DRC8: variants seen among roughly 807,000 people sequenced by gnomAD.
DRC8 encodes dynein regulatory complex subunit 8.
the DRC8 span, among the ~76,000 whole-genome samples, chr1:244,986,083 G>A: frequency 2.0e-5 from 3 of 151,478 alleles, no homozygotes; most frequent in Non-Finnish European, 4.4e-5. Flanking sequence ...AGCCTCCCGA[G>A]TAGCTGGGAT....
At chr1:245,086,844 A>G in the DRC8 span, 4 of 532,980 alleles carry the variant, frequency 7.5e-6, no homozygotes, top group Non-Finnish European at 1.5e-5. Context: ...TGTGGATCCA[A>G]ACTTGTGCTT....
chr1:245,063,156 C>CTTGGTTTGCCACTTCACTCAGGGT, the DRC8 span, among the ~76,000 whole-genome samples: 1 of 152,132 alleles, frequency 6.6e-6, no homozygotes, highest in Non-Finnish European at 1.5e-5. Context: ...CTTCCGTCAG[C>CTTGGTTTGCCACTTCACTCAGGGT]TTGGTTTGCC....
At chr1:245,049,236 C>T in the DRC8 span, among the ~76,000 whole-genome samples, 818 of 152,296 alleles carry the variant, frequency 5.4e-3, 4 homozygotes, top group African/African-American at 0.018. The surrounding 1 kb of genome is among the most constrained non-coding windows in gnomAD (Gnocchi z 4.5). Context: ...CCACCCACCT[C>T]GGCCTCCCAG....
chr1:245,006,414 T>A, the DRC8 span, among the ~76,000 whole-genome samples: 1 of 152,084 alleles, frequency 6.6e-6, no homozygotes, highest in Non-Finnish European at 1.5e-5. Flanking sequence ...CATGTTCAAG[T>A]GATCCTCCTG....
chr1:244,973,201 C>CTAATA, the DRC8 span, among the ~76,000 whole-genome samples: 1 of 145,108 alleles, frequency 6.9e-6, no homozygotes, highest in South Asian at 2.3e-4. Flanking sequence ...TGCCAATATA[C>CTAATA]TAATATAATA....
At chr1:245,100,945 C>T in the DRC8 span, among the ~76,000 whole-genome samples, 8 of 152,000 alleles carry the variant, frequency 5.3e-5, no homozygotes, top group East Asian at 1.9e-4. Context: ...AGTGCAATGG[C>T]GCAATCTTGG....
chr1:245,082,507 C>T, the DRC8 span, among the ~76,000 whole-genome samples: 1 of 152,130 alleles, frequency 6.6e-6, no homozygotes, highest in Admixed American at 6.5e-5. Flanking sequence ...ATAGTTGGTT[C>T]ATCATAGAAG....
the DRC8 span, among the ~76,000 whole-genome samples, chr1:245,035,476 T>C: frequency 6.6e-6 from 1 of 152,166 alleles, no homozygotes; most frequent in South Asian, 2.1e-4. Context: ...GAAAAAAGAA[T>C]AGTCTTTACA....
At chr1:245,081,128 ATTATT>A in the DRC8 span, among the ~76,000 whole-genome samples, 2 of 148,546 alleles carry the variant, frequency 1.3e-5, no homozygotes, top group African/African-American at 4.9e-5. Flanking sequence ...ATTTTATTTT[ATTATT>A]TTATTTATTT....
At chr1:244,985,174 T>C in the DRC8 span, among the ~76,000 whole-genome samples, 1 of 152,002 alleles carries the variant, frequency 6.6e-6, no homozygotes, top group Admixed American at 6.6e-5. Context: ...GCAATTTCTT[T>C]GTTGTTCCTG....
At chr1:244,976,817 G>A in the DRC8 span, among the ~76,000 whole-genome samples, 1 of 152,324 alleles carries the variant, frequency 6.6e-6, no homozygotes, top group African/African-American at 2.4e-5. Context: ...TGAAAGCAAG[G>A]CCTCGAAGAG....
At chr1:244,970,414 G>C in the DRC8 span, 1 of 1,538,994 alleles carries the variant, frequency 6.5e-7, no homozygotes, top group Non-Finnish European at 8.7e-7. Context: ...CGGCTCCGCA[G>C]CAAGATGGCG....
chr1:244,980,603 T>G, the DRC8 span, among the ~76,000 whole-genome samples: 2 of 152,112 alleles, frequency 1.3e-5, no homozygotes, highest in Non-Finnish European at 2.9e-5. Flanking sequence ...AGGACAGATA[T>G]GAATATTGAG....
the DRC8 span, among the ~76,000 whole-genome samples, chr1:245,025,886 C>G: frequency 1.1e-4 from 17 of 152,316 alleles, no homozygotes; most frequent in African/African-American, 4.1e-4. Flanking sequence ...TAAGATGTGC[C>G]TCTGCTCCTC....
At chr1:245,046,670 C>T in the DRC8 span, among the ~76,000 whole-genome samples, 7 of 149,150 alleles carry the variant, frequency 4.7e-5, no homozygotes, top group African/African-American at 1.7e-4. Context: ...GTTTTTGCTT[C>T]TGCTGTAATT....
chr1:245,033,382 C>T, the DRC8 span, among the ~76,000 whole-genome samples: 1 of 152,150 alleles, frequency 6.6e-6, no homozygotes, highest in South Asian at 2.1e-4. Context: ...GCATGGAATG[C>T]CCTTGTCTAC....
At chr1:245,050,232 T>C in the DRC8 span, among the ~76,000 whole-genome samples, 6 of 152,234 alleles carry the variant, frequency 3.9e-5, no homozygotes, top group Non-Finnish European at 7.3e-5. Flanking sequence ...TGTCTTTTTT[T>C]TCTTTTTTCT....
the DRC8 span, among the ~76,000 whole-genome samples, chr1:245,073,954 T>C: frequency 6.6e-6 from 1 of 152,228 alleles, no homozygotes; most frequent in Non-Finnish European, 1.5e-5. Flanking sequence ...AAAAGTTGTC[T>C]AGTGGTCACA....
the DRC8 span, among the ~76,000 whole-genome samples, chr1:245,075,819 G>C: frequency 6.6e-6 from 1 of 152,204 alleles, no homozygotes; most frequent in Admixed American, 6.5e-5. Flanking sequence ...CATGTTTGCA[G>C]TAACAAGATG....
Sources: allele counts gnomAD v4.1 joint callset (sites outside exome capture counted in the v4.1 genomes callset), GRCh38; gene constraint gnomAD v4.1.1; non-coding constraint Gnocchi (gnomAD v3.1); transcripts MANE v1.5; gene names NCBI Gene and HGNC (gene_info 2026-07-23, HGNC 2026-07-21).